GINS2: variants seen among roughly 807,000 people sequenced by gnomAD.
GINS2 encodes DNA replication complex GINS protein PSF2.
Under a neutral mutation model 21.2 loss-of-function variants are expected in GINS2, and 23 were observed. The observed-to-expected ratio is 1.08, with a 90% CI of 0.78 to 1.53. The LOEUF (loss-of-function observed/expected upper bound fraction) is 1.53, where lower values mean the gene tolerates loss of function less well. Among genes scored for constraint, GINS2 ranks in the 40% most tolerant of loss-of-function variants. GINS2 has a pLI of 0.00. For synonymous variants in GINS2, 118 were observed against 85.6 expected, an observed-to-expected ratio of 1.38 and a Z score of -2.09; for missense variants, 323 against 233.9, an observed-to-expected ratio of 1.38 and a Z score of -2.49.
chr16:85,685,707 G>A (rs145346628), intron 2 of GINS2, among the ~76,000 whole-genome samples: 1 of 113,282 alleles, frequency 8.8e-6, no homozygotes, highest in Admixed American at 8.6e-5. Flanking sequence ...TCAAAGCAGA[G>A]GAACTGGGGT....
chr16:85,679,856 G>A (rs1253435701), intron 3 of GINS2, among the ~76,000 whole-genome samples: 1 of 152,134 alleles, frequency 6.6e-6, no homozygotes, highest in African/African-American at 2.4e-5. Flanking sequence ...CCCAGGGGCT[G>A]GCCACTGCAG....
At chr16:85,678,421 C>T in intron 4 of GINS2, 84 bp from the exon 5 acceptor site, 2 of 1,561,428 alleles carry the variant, frequency 1.3e-6, no homozygotes, top group Non-Finnish European at 1.8e-6. Context: ...AAATAAGAAA[C>T]CAATGAACTG....
At chr16:85,688,405 G>T (rs13338515) in intron 1 of GINS2, among the ~76,000 whole-genome samples, 2,266 of 151,804 alleles carry the variant, frequency 0.015, 34 homozygotes, top group Middle Eastern at 0.049. Context: ...AATGCGCCGG[G>T]CGTGGTGGCG....
rs771590948 is a variant in GINS2, at chr16:85,687,583, A to C, written c.91-9T>G. ...AAAGGCCCCAGGTCCCCCTGCCAAA[A>C]GTAAAACAATTCCCCGTAAGATTGA... On this transcript the variant is annotated splice_polypyrimidine_tract_variant and intron_variant, in intron 1 of 4. Transcript: ENST00000253462. 9 of 1,483,716 alleles carry C rather than the reference A, an allele frequency of 6.1e-6. No individual in the cohort carries two copies. The South Asian group carries it at 1.1e-4, about 19-fold the overall frequency. 91.9% of individuals were successfully genotyped at this position (1,483,716 alleles called of 1,614,324 possible). A position where few individuals can be genotyped will look rare whatever the true frequency, so the allele number is the denominator to read the frequency against.
chr16:85,681,966 T>G (rs1452440796), intron 2 of GINS2, among the ~76,000 whole-genome samples: 2 of 152,030 alleles, frequency 1.3e-5, no homozygotes, highest in African/African-American at 4.8e-5. Flanking sequence ...TGTTGTGTTT[T>G]GCTTTTGTTT....
At chr16:85,684,253 G>C (rs141331178) in intron 2 of GINS2, among the ~76,000 whole-genome samples, 1,692 of 152,290 alleles carry the variant, frequency 0.011, 32 homozygotes, top group African/African-American at 0.039. Context: ...AGGATCGCTT[G>C]AGCCCAGGAG....
rs771302564 is a variant in GINS2, at chr16:85,687,501, C to G, written c.164G>C (p.Arg55Thr). 5.0e-6 allele frequency: 8 copies of G among 1,596,974 alleles called. No individual in the cohort carries two copies. The African/African-American group carries it at 6.8e-5, about 13-fold the overall frequency. The change falls in exon 2 of 5, where the codon AGA becomes ACA. Residue 55 changes from arginine (R) to threonine (T), a missense_variant. Arg to Thr is a moderately conservative substitution (Grantham distance 71). Transcript: ENST00000253462. ...TGGAGGGAGCAGGCGACATTTCTGT[C>G]TTTGTTTCAGGTTAATCGCCAGCCA... is the stretch of plus-strand genomic sequence containing the variant. ...PLWLAINLKQ[R>T]QKCRLLPPEW...
chr16:85,684,320 C>G (rs542447021), intron 2 of GINS2, among the ~76,000 whole-genome samples: 2 of 151,702 alleles, frequency 1.3e-5, no homozygotes, highest in Non-Finnish European at 2.9e-5. Flanking sequence ...GACATCAGAG[C>G]GAGAGACTGT....
Position 85,687,562 on chromosome 16 carries a change from GC to G in GINS2, c.102del (p.Pro35LeufsTer18), listed in dbSNP as rs774206884. The G allele has an allele frequency of 3.7e-5, 58 of 1,558,472 alleles. No homozygotes were observed. The highest frequency in any genetic ancestry group is 4.9e-5 in the Non-Finnish European group (57 of 1,158,164). Reference sequence around the variant, plus strand: ...TCCACGGGTAAACCAGGGTTAAAAGGCCCCAGGTCCCCCTGCCAAAAGTAAA... The same window carrying G: ...TCCACGGGTAAACCAGGGTTAAAAGGCCCAGGTCCCCCTGCCAAAAGTAAA... ...DKIYLIGGDLGPFNPGLPVEV... is the reference protein window; with the variant it reads ...DKIYLIGGDLXPFNPGLPVEV... On this transcript the variant is annotated frameshift_variant, in exon 2 of 5. Coordinates refer to ENST00000253462, the MANE Select transcript of GINS2 (RefSeq NM_016095.3). LOFTEE classifies it high-confidence loss of function.
At chr16:85,682,635 C>T (rs920197737) in intron 2 of GINS2, among the ~76,000 whole-genome samples, 5 of 152,050 alleles carry the variant, frequency 3.3e-5, no homozygotes, top group South Asian at 2.1e-4. Flanking sequence ...CCACCCCAGC[C>T]GGGAGGAGGC....
chr16:85,687,753 C>T (rs924148363), intron 1 of GINS2, 179 bp from the exon 2 acceptor site: 2 of 489,762 alleles, frequency 4.1e-6, no homozygotes, highest in Non-Finnish European at 7.2e-6. Context: ...CTCCGAGACA[C>T]CTGCGAGCGT....
At chr16:85,682,615 G>C (rs927308366) in intron 2 of GINS2, among the ~76,000 whole-genome samples, 3 of 150,978 alleles carry the variant, frequency 2.0e-5, no homozygotes, top group Non-Finnish European at 3.0e-5. Flanking sequence ...CAATATCCTA[G>C]AGGGCTAAGC....
intron 2 of GINS2, 119 bp downstream of exon 2, chr16:85,687,341 G>C (rs2053785843): frequency 1.7e-6 from 1 of 577,668 alleles, no homozygotes; most frequent in Non-Finnish European, 3.1e-6. Context: ...GTAGATAACG[G>C]AACAGAGGGA....
In GINS2 at chr16:85,687,563, C is replaced by T; in HGVS notation, c.102G>A (p.Gly34=). Reference sequence around the variant, plus strand: ...CCACGGGTAAACCAGGGTTAAAAGGCCCCAGGTCCCCCTGCCAAAAGTAAA... The same window carrying T: ...CCACGGGTAAACCAGGGTTAAAAGGTCCCAGGTCCCCCTGCCAAAAGTAAA... ...DKIYLIGGDL[G]PFNPGLPVEV... is the part of the protein sequence containing the mutation. Residue 34 remains glycine (G), a synonymous_variant, in exon 2 of 5, where the codon GGG becomes GGA. Transcript: ENST00000253462. The T allele has an allele frequency of 6.4e-7, 1 of 1,550,702 alleles. No individual in the cohort carries two copies. Among genetic ancestry groups the T allele is most frequent in the Non-Finnish European group, 8.7e-7 (1 of 1,152,484 alleles).
At chr16:85,680,752 G>A (rs1598759045) in intron 3 of GINS2, among the ~76,000 whole-genome samples, 1 of 152,252 alleles carries the variant, frequency 6.6e-6, no homozygotes, top group East Asian at 1.9e-4. Flanking sequence ...GGAAAGGACA[G>A]ACTTACAGGG....
chr16:85,688,730 C>T (rs1181611559), intron 1 of GINS2, 79 bp downstream of exon 1: 1 of 771,238 alleles, frequency 1.3e-6, no homozygotes, highest in Non-Finnish European at 2.0e-6. Context: ...GAGCCCGCGA[C>T]CCCGGGGCTG....
In GINS2 at chr16:85,678,273, T is replaced by G. The variant is rs1181809337; in HGVS notation, c.497A>C (p.His166Pro). The change falls in exon 5 of 5, where the codon CAC (histidine) becomes CCC (proline). Residue 166 changes from histidine to proline, a missense_variant. His to Pro is a moderately conservative substitution (Grantham distance 77). Transcript: ENST00000253462. ...GAGGTTCGTGCGGAGTTTGTACATG[T>G]GGTTGAGCGCTTGTGTGAGGAAAGT... ...SGTFLTQALN[H>P]MYKLRTNLQP... 2.5e-6 allele frequency: 4 copies of G among 1,612,428 alleles called. No individual in the cohort carries two copies. The highest frequency in any genetic ancestry group is 3.4e-6 in the Non-Finnish European group (4 of 1,178,614).
intron 1 of GINS2, among the ~76,000 whole-genome samples, chr16:85,688,500 G>A (rs553554470): frequency 6.6e-6 from 1 of 152,068 alleles, no homozygotes; most frequent in East Asian, 1.9e-4. Context: ...GAGCCGAGAC[G>A]GCACCACTGC....
chr16:85,681,544 G>T, intron 3 of GINS2, 38 bp downstream of exon 3: 1 of 1,202,932 alleles, frequency 8.3e-7, no homozygotes, highest in Non-Finnish European at 1.2e-6. Flanking sequence ...GGCGAGTCCA[G>T]TCTTGGGTGT....
Sources: gnomAD v4.1 joint callset for allele counts (sites outside exome capture counted in the v4.1 genomes callset) on GRCh38, gnomAD v4.1.1 for gene constraint, MANE v1.5 for transcripts, NCBI Gene and HGNC (gene_info 2026-07-23, HGNC 2026-07-21) for gene names.